Variants in GSG1L observed in about 807,000 individuals in gnomAD.
The protein encoded by GSG1L is GSG1 like, also known as germ cell-specific gene 1-like protein.
In GSG1L, 24 loss-of-function variants were observed where a neutral mutation model predicts 42.1. That is an observed-to-expected ratio of 0.57 (90% CI 0.41 to 0.80). The LOEUF (loss-of-function observed/expected upper bound fraction) is 0.80, where lower values mean the gene tolerates loss of function less well. Among genes scored for constraint, GSG1L ranks in the 30% least tolerant of loss-of-function variants. The pLI is 0.00. For synonymous variants in GSG1L, 215 were observed against 203.5 expected (o/e 1.06, Z -0.48); for missense variants, 445 against 472.2 (o/e 0.94, Z 0.53).
intron 2 of GSG1L, among the ~76,000 whole-genome samples, chr16:27,948,672 C>T (rs549086210): frequency 2.8e-4 from 41 of 147,820 alleles, no homozygotes; most frequent in African/African-American, 1.0e-3. Flanking sequence ...TGCAATGGCT[C>T]AATCTTGGCT....
At chr16:27,797,995 G>C (rs935146517) in intron 6 of GSG1L, among the ~76,000 whole-genome samples, 1 of 152,066 alleles carries the variant, frequency 6.6e-6, no homozygotes, top group African/African-American at 2.4e-5. Context: ...TACGGCCATA[G>C]AAAGGGAAAT....
At chr16:27,998,032 T>A (rs2085537832) in intron 1 of GSG1L, among the ~76,000 whole-genome samples, 1 of 152,002 alleles carries the variant, frequency 6.6e-6, no homozygotes, top group Non-Finnish European at 1.5e-5. Context: ...GCTTTTTGTA[T>A]TTTTAGTAGA....
Position 28,063,068 on chromosome 16 carries a change from G to C in GSG1L, c.349+8C>G. ...GAGCCGAGCTGGCCGCCGCCCGCGC[G>C]CACTCACCAAGCCCGCTGAGCTCCT... is the stretch of plus-strand genomic sequence containing the variant. On this transcript the variant is annotated splice_region_variant and intron_variant, in intron 1 of 6. Transcript: ENST00000447459. The surrounding 1 kb of genome is among the most constrained non-coding windows in gnomAD (Gnocchi z 5.8). The C allele has an allele frequency of 7.1e-7, 1 of 1,407,440 alleles. No homozygotes were observed. The highest frequency in any genetic ancestry group is 9.3e-7 in the Non-Finnish European group (1 of 1,074,506). The allele number at this position is 1,407,440 out of a possible 1,614,324, so 87.2% of individuals were successfully genotyped here.
chr16:27,969,937 T>A lies in GSG1L; in HGVS notation c.350-6734A>T, dbSNP rs2085175294. Among the ~76,000 whole-genome samples, 4 of 152,356 alleles carry A rather than the reference T, an allele frequency of 2.6e-5. 1 individual carries two copies. In the South Asian group the frequency reaches 8.3e-4, roughly 32 times the overall value. On this transcript the variant is annotated intron_variant, in intron 1 of 6. Coordinates refer to ENST00000447459, the MANE Select transcript of GSG1L (RefSeq NM_001109763.2). ...ATGCGGTATCTCACTGTGGTTTTAA[T>A]TTGCATTTTCTTAATGACTAATGAT...
Position 27,911,081 on chromosome 16 carries a change from C to T in GSG1L, c.398-26443G>A, listed in dbSNP as rs1242185001. ...CCCTGCCCTGAGCCCCAGTCAAGGG[C>T]TGGGGACCTGGCACTCCCTGTAGTT... On this transcript the variant is annotated intron_variant, in intron 2 of 6. Transcript: ENST00000447459. Among the ~76,000 whole-genome samples, 5 of 152,108 alleles carry T rather than the reference C, an allele frequency of 3.3e-5. No individual in the cohort carries two copies. The East Asian group carries it at 9.7e-4, about 29-fold the overall frequency.
At position 27,925,618 on chromosome 16, in the gene GSG1L, T is replaced by G. The variant is rs7202035; in HGVS notation, c.397+37538A>C. 6.8e-3 allele frequency among the ~76,000 whole-genome samples: 1,040 copies of G among 152,142 alleles called. 16 individuals are homozygous for G. The highest frequency in any genetic ancestry group is 0.022 in the African/African-American group (933 of 41,508). Reference sequence around the variant, plus strand: ...GAGAGGTGGGTGCAGGGAGGCCAGTTAGGAACACGCCATGACCATCCGAGG... The same window carrying G: ...GAGAGGTGGGTGCAGGGAGGCCAGTGAGGAACACGCCATGACCATCCGAGG... On this transcript the variant is annotated intron_variant, in intron 2 of 6. Coordinates refer to ENST00000447459, the MANE Select transcript of GSG1L (RefSeq NM_001109763.2).
chr16:27,899,095 G>A (rs2084226663), intron 2 of GSG1L, among the ~76,000 whole-genome samples: 1 of 152,220 alleles, frequency 6.6e-6, no homozygotes, highest in African/African-American at 2.4e-5. Context: ...GGCTGGCATG[G>A]GAGGCCAGGA....
At chr16:27,940,058 T>G (rs1015774655) in intron 2 of GSG1L, among the ~76,000 whole-genome samples, 16 of 152,064 alleles carry the variant, frequency 1.1e-4, no homozygotes, top group African/African-American at 3.9e-4. Context: ...GAACAGACAC[T>G]TCTCAAAAGA....
chr16:27,869,001 C>T (rs933962518), intron 3 of GSG1L, among the ~76,000 whole-genome samples: 6 of 152,058 alleles, frequency 3.9e-5, no homozygotes, highest in African/African-American at 1.5e-4. Flanking sequence ...GGAAGGCCAG[C>T]ATGTGTTCAC....
intron 2 of GSG1L, among the ~76,000 whole-genome samples, chr16:27,936,608 A>G (rs534419521): frequency 6.6e-6 from 1 of 152,318 alleles, no homozygotes; most frequent in South Asian, 2.1e-4. Flanking sequence ...ATAAGCCTCT[A>G]TTCATTGCAA....
At position 27,787,528 on chromosome 16, in the gene GSG1L, C is replaced by A. The variant is rs1201823605; in HGVS notation, c.*3842G>T. On this transcript the variant is annotated 3_prime_UTR_variant, in exon 7 of 7. Coordinates refer to ENST00000447459, the MANE Select transcript of GSG1L (RefSeq NM_001109763.2). Reference sequence around the variant, plus strand: ...GCTGTCCGCATATCATAACCACATACCACTTGCACGATTATTTATTTAATA... The same window carrying A: ...GCTGTCCGCATATCATAACCACATAACACTTGCACGATTATTTATTTAATA... The A allele has an allele frequency of 6.6e-6, 1 of 152,216 alleles. No homozygotes were observed. The highest frequency in any genetic ancestry group is 1.5e-5 in the Non-Finnish European group (1 of 68,054). 9.4% of individuals were successfully genotyped at this position (152,216 alleles called of 1,614,324 possible). A position where few individuals can be genotyped will look rare whatever the true frequency, so the allele number is the denominator to read the frequency against.
chr16:27,936,597 A>C (rs1283078701), intron 2 of GSG1L, among the ~76,000 whole-genome samples: 6 of 152,184 alleles, frequency 3.9e-5, no homozygotes, highest in Admixed American at 3.9e-4. Flanking sequence ...CCATGAGCCA[A>C]ATAAGCCTCT....
chr16:27,908,685 T>C (rs948572043), intron 2 of GSG1L, among the ~76,000 whole-genome samples: 2 of 152,210 alleles, frequency 1.3e-5, no homozygotes, highest in Non-Finnish European at 2.9e-5. Flanking sequence ...GCCCTTTTTA[T>C]AGCAGCATTA....
chr16:28,012,893 C>A (rs866990063), intron 1 of GSG1L, among the ~76,000 whole-genome samples: 130 of 128,418 alleles, frequency 1.0e-3, no homozygotes, highest in South Asian at 1.6e-3. Context: ...CAAGAACTCT[C>A]AAAAAAAAAA....
At chr16:27,993,338 C>A (rs1309506655) in intron 1 of GSG1L, among the ~76,000 whole-genome samples, 1 of 152,158 alleles carries the variant, frequency 6.6e-6, no homozygotes, top group East Asian at 1.9e-4. Context: ...TTAGTAGAGA[C>A]AGAGTTTCAC....
At chr16:27,998,738 C>T (rs1363414755) in intron 1 of GSG1L, among the ~76,000 whole-genome samples, 2 of 151,928 alleles carry the variant, frequency 1.3e-5, no homozygotes, top group East Asian at 1.9e-4. Context: ...GAGCTGTGAT[C>T]GCGCCACTGC....
In GSG1L at chr16:27,787,675, C is replaced by T. The variant is rs956827345; in HGVS notation, c.*3695G>A. The T allele has an allele frequency of 6.6e-6, 1 of 152,226 alleles. No homozygotes were observed. Among genetic ancestry groups the T allele is most frequent in the African/African-American group, 2.4e-5 (1 of 41,456 alleles). 9.4% of individuals were successfully genotyped at this position (152,226 alleles called of 1,614,324 possible). ...CCACTGTACATTTTTTTCTAATACACATTTACATAAACACAACTATTAAAA... is the reference window on the plus strand; with the variant it reads ...CCACTGTACATTTTTTTCTAATACATATTTACATAAACACAACTATTAAAA... On this transcript the variant is annotated 3_prime_UTR_variant, in exon 7 of 7. Transcript: ENST00000447459.
At chr16:27,900,224 A>G (rs1389491402) in intron 2 of GSG1L, among the ~76,000 whole-genome samples, 1 of 152,116 alleles carries the variant, frequency 6.6e-6, no homozygotes, top group African/African-American at 2.4e-5. Flanking sequence ...CCCAGTGACA[A>G]CCACGCTCTA....
chr16:27,938,121 T>G (rs1469111575), intron 2 of GSG1L, among the ~76,000 whole-genome samples: 1 of 152,078 alleles, frequency 6.6e-6, no homozygotes, highest in African/African-American at 2.4e-5. Context: ...GGTTGCACCA[T>G]GCAGAGAGGC....
Sources: allele counts gnomAD v4.1 joint callset (sites outside exome capture counted in the v4.1 genomes callset), GRCh38; gene constraint gnomAD v4.1.1; non-coding constraint Gnocchi (gnomAD v3.1); transcripts MANE v1.5; gene names NCBI Gene and HGNC (gene_info 2026-07-23, HGNC 2026-07-21).